Variants in GRAMD1B observed in about 807,000 individuals in gnomAD.
GRAMD1B encodes the protein protein Aster-B.
A neutral mutation model predicts 99.7 loss-of-function variants in GRAMD1B; 37 were observed. The observed-to-expected ratio is 0.37, with a 90% CI of 0.29 to 0.49. The LOEUF is 0.49. Ranked by LOEUF, GRAMD1B falls within the 20% of genes least tolerant of loss-of-function variation. The probability of loss-of-function intolerance (pLI) is 0.98; values close to 1 mark genes in which losing one functional copy is unlikely to be tolerated. For synonymous variants in GRAMD1B, 427 were observed against 387.6 expected, an observed-to-expected ratio of 1.10 and a Z score of -1.19; for missense variants, 888 against 1,009.2, an observed-to-expected ratio of 0.88 and a Z score of 1.63.
chr11:123,622,554 T>C lies in GRAMD1B; in HGVS notation c.2593T>C (p.Tyr865His). 6.4e-7 allele frequency: 1 copy of C among 1,558,832 alleles called. No homozygotes were observed. Among genetic ancestry groups the C allele is most frequent in the Non-Finnish European group, 8.7e-7 (1 of 1,151,182 alleles). ...TCAGAACGGCATCAGGTCCCGCGAC[T>C]ACACGTCGGAAAGTGAAGAAAAGAG... Reference protein sequence around the residue: ...NLQNGIRSRDYTSESEEKRNR... With the variant: ...NLQNGIRSRDHTSESEEKRNR... Residue 865 changes from tyrosine (Y) to histidine (H), a missense_variant, in exon 20 of 20, where the codon TAC becomes CAC. This residue lies in a region of GRAMD1B where 232 missense variants were observed against 261.7 expected (regional missense o/e 0.89). Transcript: ENST00000635736.
At position 123,558,106 on chromosome 11, in the gene GRAMD1B, C is replaced by T. The variant is rs113099988; in HGVS notation, c.453-19261C>T. 6.3e-3 allele frequency among the ~76,000 whole-genome samples: 960 copies of T among 151,638 alleles called. 6 individuals are homozygous for T. The highest frequency in any genetic ancestry group is 0.022 in the African/African-American group (909 of 41,354). On this transcript the variant is annotated intron_variant, in intron 2 of 19. Transcript: ENST00000635736. ...TCAAGAGATTCTCCTGCCTCAGCCTCCCGAGTAGCTGGGATTACAATTGTG... is the reference window on the plus strand; with the variant it reads ...TCAAGAGATTCTCCTGCCTCAGCCTTCCGAGTAGCTGGGATTACAATTGTG...
chr11:123,415,095 CTTTTTTTTTTTTTT>C (rs1175202539), intron 1 of GRAMD1B, among the ~76,000 whole-genome samples: 1 of 75,832 alleles, frequency 1.3e-5, no homozygotes, highest in Non-Finnish European at 2.4e-5. Flanking sequence ...CTTTTTCTTT[CTTTTTTTTTTTTTT>C]TTTTTTTTTT....
intron 2 of GRAMD1B, among the ~76,000 whole-genome samples, chr11:123,527,338 T>C (rs1200845332): frequency 1.3e-5 from 2 of 152,164 alleles, no homozygotes; most frequent in East Asian, 1.9e-4. Context: ...AGAGAATGTC[T>C]AGTCCAGCCC....
Position 123,598,590 on chromosome 11 carries a change from G to A in GRAMD1B, c.970-1878G>A. 2.6e-6 allele frequency: 4 copies of A among 1,537,240 alleles called. No individual in the cohort carries two copies. The South Asian group carries it at 4.5e-5, about 17-fold the overall frequency. ...AAGTGACTCTAGGGACTTTCCTTTG[G>A]TGCTGAATAGTCTCTGGGCTCGCTC... On this transcript the variant is annotated intron_variant, in intron 7 of 19. Transcript: ENST00000635736.
At position 123,492,566 on chromosome 11, in the gene GRAMD1B, G is replaced by A. The variant is rs761086828; in HGVS notation, c.452+11673G>A. ...CTCTTGGCCTCTGTAACTAGAAGAA[G>A]GAGATTTCCTGGAGGAGGAAGAGGT... On this transcript the variant is annotated intron_variant, in intron 2 of 19. Transcript: ENST00000635736. The surrounding 1 kb of genome is among the most constrained non-coding windows in gnomAD (Gnocchi z 4.2). 6.6e-6 allele frequency among the ~76,000 whole-genome samples: 1 copy of A among 152,134 alleles called. No individual in the cohort carries two copies. The highest frequency in any genetic ancestry group is 1.5e-5 in the Non-Finnish European group (1 of 68,020).
Position 123,627,079 on chromosome 11 carries a change from T to C in GRAMD1B, c.*4484T>C, listed in dbSNP as rs1218905611. 6.6e-6 allele frequency: 1 copy of C among 152,212 alleles called. No homozygotes were observed. Among genetic ancestry groups the C allele is most frequent in the African/African-American group, 2.4e-5 (1 of 41,446 alleles). 9.4% of individuals were successfully genotyped at this position (152,212 alleles called of 1,614,324 possible). A position where few individuals can be genotyped will look rare whatever the true frequency, so the allele number is the denominator to read the frequency against. ...GGCCCTGGAGCCAGGACTGGAGTCT[T>C]GGCAGCTGATGAGCAGCACCTTGCC... On this transcript the variant is annotated 3_prime_UTR_variant, in exon 20 of 20. Transcript: ENST00000635736.
At chr11:123,505,229 A>G (rs549269614) in intron 2 of GRAMD1B, among the ~76,000 whole-genome samples, 1 of 151,024 alleles carries the variant, frequency 6.6e-6, no homozygotes, top group South Asian at 2.1e-4. Flanking sequence ...GGAGTCTCTC[A>G]CTCTGTTTTC....
intron 2 of GRAMD1B, among the ~76,000 whole-genome samples, chr11:123,552,273 C>CTTTTTTTTTTT (rs71060514): frequency 1.1e-4 from 13 of 119,360 alleles, no homozygotes; most frequent in East Asian, 2.4e-4. Flanking sequence ...CTCTTTCTTT[C>CTTTTTTTTTTT]TTTTTTTTTT....
intron 1 of GRAMD1B, among the ~76,000 whole-genome samples, chr11:123,467,361 A>G (rs1950733280): frequency 6.6e-6 from 1 of 151,494 alleles, no homozygotes; most frequent in Non-Finnish European, 1.5e-5. Context: ...AGAAAGAAAC[A>G]AACAAAAACG....
At chr11:123,585,896 AC>A (rs1950021998) in intron 4 of GRAMD1B, among the ~76,000 whole-genome samples, 2 of 151,812 alleles carry the variant, frequency 1.3e-5, no homozygotes, top group South Asian at 4.2e-4. Flanking sequence ...TTTAGCTCAG[AC>A]TTTTGTTTTG....
chr11:123,584,260 C>G, intron 3 of GRAMD1B, 52 bp from the exon 4 acceptor site: 2 of 876,254 alleles, frequency 2.3e-6, no homozygotes, highest in South Asian at 1.5e-5. Flanking sequence ...TGGCCCTTCC[C>G]CCCATTTCTT....
At position 123,605,395 on chromosome 11, in the gene GRAMD1B, C is replaced by A; in HGVS notation, c.1240C>A (p.Pro414Thr). ...SSSKSSIETK[P>T]DASPQLPKKS... ...ATCCAAGAGCAGCATAGAGACCAAG[C>A]CAGATGCCAGTCCACAGCTGCCCAA... Residue 414 changes from proline to threonine, a missense_variant, in exon 10 of 20, where the codon CCA becomes ACA. By Grantham distance (38) the Pro-to-Thr change is conservative. Transcript: ENST00000635736. 1.2e-6 allele frequency: 2 copies of A among 1,613,016 alleles called. No homozygotes were observed. The highest frequency in any genetic ancestry group is 1.7e-6 in the Non-Finnish European group (2 of 1,179,200).
intron 2 of GRAMD1B, among the ~76,000 whole-genome samples, chr11:123,541,043 G>A (rs1009310816): frequency 5.3e-5 from 8 of 151,708 alleles, no homozygotes; most frequent in African/African-American, 1.9e-4. Flanking sequence ...GCGTGATCTC[G>A]GCTCATCGCA....
chr11:123,514,895 G>C (rs948765610), intron 2 of GRAMD1B, among the ~76,000 whole-genome samples: 2 of 152,200 alleles, frequency 1.3e-5, no homozygotes, highest in African/African-American at 4.8e-5. Flanking sequence ...GGCAGGGATT[G>C]TGTGTTTTGT....
At chr11:123,416,633 G>A (rs1298136175) in intron 1 of GRAMD1B, among the ~76,000 whole-genome samples, 2 of 152,210 alleles carry the variant, frequency 1.3e-5, no homozygotes, top group Non-Finnish European at 2.9e-5. Flanking sequence ...GCACTGTTTA[G>A]AAAAGGTAGA....
At chr11:123,448,563 C>A (rs1010094002) in intron 1 of GRAMD1B, among the ~76,000 whole-genome samples, 1 of 152,214 alleles carries the variant, frequency 6.6e-6, no homozygotes, top group Non-Finnish European at 1.5e-5. Context: ...GGGGCGATTT[C>A]ATCCATTCTC....
chr11:123,508,821 G>A (rs1295199471), intron 2 of GRAMD1B, among the ~76,000 whole-genome samples: 1 of 152,082 alleles, frequency 6.6e-6, no homozygotes, highest in Non-Finnish European at 1.5e-5. Flanking sequence ...AAGTAGCTGG[G>A]ACTACAGGCG....
intron 2 of GRAMD1B, among the ~76,000 whole-genome samples, chr11:123,518,758 G>A (rs1156370678): frequency 6.6e-6 from 1 of 152,114 alleles, no homozygotes; most frequent in Non-Finnish European, 1.5e-5. Flanking sequence ...AGTGATCAGA[G>A]GATCAGAGCC....
intron 2 of GRAMD1B, among the ~76,000 whole-genome samples, chr11:123,490,313 A>G (rs186138811): frequency 1.3e-5 from 2 of 152,286 alleles, no homozygotes; most frequent in East Asian, 3.9e-4. Context: ...GATGATATGA[A>G]TGAGATGAGG....
Sources: allele counts gnomAD v4.1 joint callset (sites outside exome capture counted in the v4.1 genomes callset), GRCh38; gene constraint gnomAD v4.1.1; regional missense constraint gnomAD v4.1.1; non-coding constraint Gnocchi (gnomAD v3.1); transcripts MANE v1.5; gene names NCBI Gene and HGNC (gene_info 2026-07-23, HGNC 2026-07-21).